The following RIT2 variants were observed in gnomAD, a reference collection of about 807,000 sequenced individuals.
The protein encoded by RIT2 is Ras like without CAAX 2.
In RIT2, 24 loss-of-function variants were observed where a neutral mutation model predicts 23.7. The observed-to-expected ratio is 1.01, with a 90% CI of 0.73 to 1.43. The LOEUF is 1.43. Ranked by LOEUF, RIT2 falls within the 40% of genes most tolerant of loss-of-function variation. RIT2 has a pLI of 0.00. For missense variants in RIT2, 236 were observed against 266.9 expected, an observed-to-expected ratio of 0.88 and a Z score of 0.81; for synonymous variants, 107 against 91.1, an observed-to-expected ratio of 1.17 and a Z score of -0.99.
intron 4 of RIT2, among the ~76,000 whole-genome samples, chr18:42,812,751 T>A (rs778966792): frequency 1.3e-5 from 2 of 152,182 alleles, no homozygotes; most frequent in Non-Finnish European, 2.9e-5. Context: ...AGGCTATTCA[T>A]GCTGATTGGA....
In RIT2 at chr18:42,743,334, A is replaced by G. The variant is rs886321674; in HGVS notation, c.*159T>C. 2.3e-5 allele frequency: 14 copies of G among 620,562 alleles called. No individual in the cohort carries two copies. The highest frequency in any genetic ancestry group is 3.7e-5 in the Non-Finnish European group (13 of 354,830). The allele number at this position is 620,562 out of a possible 1,614,324, so 38.4% of individuals were successfully genotyped here. A position where few individuals can be genotyped will look rare whatever the true frequency, so the allele number is the denominator to read the frequency against. On this transcript the variant is annotated 3_prime_UTR_variant, in exon 5 of 5. Transcript: ENST00000326695. ...CAACTGTTAAAGGCAAAACAAAACT[A>G]TCTCAAGAGGTACAGATATGCAGAG...
At chr18:43,007,287 T>C (rs1038803980) in intron 2 of RIT2, among the ~76,000 whole-genome samples, 1 of 151,708 alleles carries the variant, frequency 6.6e-6, no homozygotes, top group Non-Finnish European at 1.5e-5. Context: ...CTATATGCTC[T>C]GACAAGATAC....
intron 1 of RIT2, among the ~76,000 whole-genome samples, chr18:43,078,589 G>A (rs1352818926): frequency 6.6e-6 from 1 of 152,052 alleles, no homozygotes; most frequent in Admixed American, 6.5e-5. Context: ...AACATCACTG[G>A]CTCTGTGTAC....
At chr18:42,890,203 T>C (rs1013568390) in intron 4 of RIT2, among the ~76,000 whole-genome samples, 1 of 152,012 alleles carries the variant, frequency 6.6e-6, no homozygotes, top group African/African-American at 2.4e-5. Context: ...TCCAATTCTG[T>C]TTCTATATTC....
chr18:43,068,306 A>G (rs1332372519), intron 1 of RIT2, among the ~76,000 whole-genome samples: 1 of 152,152 alleles, frequency 6.6e-6, no homozygotes, highest in African/African-American at 2.4e-5. Context: ...ACAGGTAGTT[A>G]GGGTTAGAGC....
At chr18:43,025,078 C>T (rs921309686) in intron 2 of RIT2, among the ~76,000 whole-genome samples, 9 of 151,682 alleles carry the variant, frequency 5.9e-5, no homozygotes, top group East Asian at 3.9e-4. Context: ...CATTGTGGCA[C>T]GTGCCTGTAA....
intron 4 of RIT2, among the ~76,000 whole-genome samples, chr18:42,910,911 T>G (rs770351179): frequency 6.6e-6 from 1 of 152,070 alleles, no homozygotes. Context: ...TCAGCAAGGA[T>G]AGCGAATAAT....
chr18:43,060,792 T>C (rs1365734757), intron 1 of RIT2, among the ~76,000 whole-genome samples: 1 of 152,182 alleles, frequency 6.6e-6, no homozygotes, highest in African/African-American at 2.4e-5. Flanking sequence ...TTCTGCCTTT[T>C]ATGCTGACAA....
chr18:43,020,435 G>A (rs867918307), intron 2 of RIT2, among the ~76,000 whole-genome samples: 1 of 151,962 alleles, frequency 6.6e-6, no homozygotes. Context: ...GCAGTGAGCC[G>A]AGATCATGTC....
At chr18:43,070,286 G>C (rs956802533) in intron 1 of RIT2, among the ~76,000 whole-genome samples, 4 of 152,130 alleles carry the variant, frequency 2.6e-5, no homozygotes, top group Admixed American at 6.6e-5. Context: ...GGACCTGAAA[G>C]CTTAAGAATG....
At chr18:42,799,493 G>A (rs1036114263) in intron 4 of RIT2, among the ~76,000 whole-genome samples, 3 of 152,118 alleles carry the variant, frequency 2.0e-5, no homozygotes, top group African/African-American at 7.2e-5. Flanking sequence ...TTGAGCTATT[G>A]CAATCTCCTC....
chr18:43,008,193 A>G (rs552090090), intron 2 of RIT2, among the ~76,000 whole-genome samples: 1 of 151,812 alleles, frequency 6.6e-6, no homozygotes, highest in East Asian at 1.9e-4. Context: ...AATTAATATT[A>G]ATATTTTTAA....
intron 4 of RIT2, among the ~76,000 whole-genome samples, chr18:42,847,026 C>T (rs1031175986): frequency 1.3e-5 from 2 of 152,050 alleles, no homozygotes; most frequent in Non-Finnish European, 2.9e-5. Context: ...CGGTTACATA[C>T]GCCTCTTTCT....
chr18:42,852,929 G>A (rs898147313), intron 4 of RIT2, among the ~76,000 whole-genome samples: 1 of 151,760 alleles, frequency 6.6e-6, no homozygotes, highest in African/African-American at 2.4e-5. Flanking sequence ...TGCCTCCCAT[G>A]GTCAAGCAAT....
intron 1 of RIT2, among the ~76,000 whole-genome samples, chr18:43,074,595 A>G (rs1056419416): frequency 6.6e-6 from 1 of 152,192 alleles, no homozygotes; most frequent in Non-Finnish European, 1.5e-5. Context: ...ATACATGTAC[A>G]TATATGTTCA....
intron 4 of RIT2, among the ~76,000 whole-genome samples, chr18:42,847,991 A>G (rs1265451749): frequency 1.3e-5 from 2 of 151,170 alleles, no homozygotes; most frequent in South Asian, 2.1e-4. Context: ...TAGGCCTCCT[A>G]GATCCCCCTA....
intron 4 of RIT2, among the ~76,000 whole-genome samples, chr18:42,867,345 G>T (rs1907499201): frequency 6.6e-6 from 1 of 152,050 alleles, no homozygotes; most frequent in African/African-American, 2.4e-5. Flanking sequence ...GCTCTAAAAA[G>T]CTATGTTTCT....
intron 4 of RIT2, among the ~76,000 whole-genome samples, chr18:42,812,056 T>C (rs1384452972): frequency 6.6e-6 from 1 of 152,112 alleles, no homozygotes; most frequent in Non-Finnish European, 1.5e-5. Flanking sequence ...GTATGGTAAG[T>C]GAGATAGAAG....
intron 1 of RIT2, among the ~76,000 whole-genome samples, chr18:43,079,403 C>T (rs902105240): frequency 1.3e-5 from 2 of 152,112 alleles, no homozygotes; most frequent in Non-Finnish European, 2.9e-5. Context: ...CCGCTATAAA[C>T]ATTTTTGTGG....
Sources: gnomAD v4.1 joint callset for allele counts (sites outside exome capture counted in the v4.1 genomes callset) on GRCh38, gnomAD v4.1.1 for gene constraint, MANE v1.5 for transcripts, NCBI Gene and HGNC (gene_info 2026-07-23, HGNC 2026-07-21) for gene names.